IVNS1ABP: variants seen among roughly 807,000 people sequenced by gnomAD.
IVNS1ABP encodes the protein influenza virus NS1A binding protein.
In IVNS1ABP, 25 loss-of-function variants were observed where a neutral mutation model predicts 78.9. The observed-to-expected ratio is 0.32, with a 90% CI of 0.23 to 0.44. IVNS1ABP has a LOEUF of 0.44. Ranked by LOEUF, IVNS1ABP falls within the 20% of genes least tolerant of loss-of-function variation. The pLI, the probability that IVNS1ABP is intolerant of heterozygous loss-of-function variation, is 1.00. For missense variants in IVNS1ABP, 494 were observed against 768.9 expected, an observed-to-expected ratio of 0.64 and a Z score of 4.23; for synonymous variants, 241 against 259.7, an observed-to-expected ratio of 0.93 and a Z score of 0.69.
chr1:185,312,303 T>C (rs1665909525), intron 1 of IVNS1ABP, among the ~76,000 whole-genome samples: 1 of 152,232 alleles, frequency 6.6e-6, no homozygotes, highest in Non-Finnish European at 1.5e-5. Flanking sequence ...ATGGTACTTA[T>C]TTTGTAATCA....
At position 185,308,797 on chromosome 1, in the gene IVNS1ABP, T is replaced by A; in HGVS notation, c.357+3A>T. ...ATGATTTTATTTACTTCTGATACTC[T>A]ACCTGCTTTACTCGATCCATCTTCA... On this transcript the variant is annotated splice_donor_region_variant and intron_variant, in intron 5 of 14. Coordinates refer to ENST00000367498, the MANE Select transcript of IVNS1ABP (RefSeq NM_006469.5). 1 of 1,598,128 alleles carries A rather than the reference T, an allele frequency of 6.3e-7. No individual in the cohort carries two copies. The highest frequency in any genetic ancestry group is 8.5e-7 in the Non-Finnish European group (1 of 1,172,132).
At position 185,309,440 on chromosome 1, in the gene IVNS1ABP, A is replaced by G. The variant is rs1046762185; in HGVS notation, c.54T>C (p.Ser18=). 4 of 1,613,088 alleles carry G rather than the reference A, an allele frequency of 2.5e-6. No homozygotes were observed. In the African/African-American group the frequency reaches 5.3e-5, roughly 22 times the overall value. ...MFEDENFIES[S]VAKLNALRKS... ...TCCTCAGGGCATTTAATTTGGCAAC[A>G]GAAGACTCAATAAAATTTTCATCCT... Residue 18 remains serine, a synonymous_variant, in exon 3 of 15, where the codon TCT becomes TCC. Coordinates refer to ENST00000367498, the MANE Select transcript of IVNS1ABP (RefSeq NM_006469.5).
chr1:185,308,287 A>G (rs1665791877), intron 5 of IVNS1ABP, among the ~76,000 whole-genome samples: 1 of 152,210 alleles, frequency 6.6e-6, no homozygotes, highest in Admixed American at 6.5e-5. Context: ...AAAGCAGTGT[A>G]GACCATATGT....
intron 5 of IVNS1ABP, 33 bp downstream of exon 5, chr1:185,308,767 C>T (rs769966604): frequency 6.7e-7 from 1 of 1,482,168 alleles, no homozygotes; most frequent in African/African-American, 1.4e-5. Flanking sequence ...AATAAGACTC[C>T]ATAAATGATT....
rs1665605054 is a variant in IVNS1ABP at position 185,301,703 on chromosome 1, C to T, written c.766-140G>A. The T allele has an allele frequency of 7.1e-6, 6 of 850,216 alleles. No homozygotes were observed. The East Asian group carries it at 1.5e-4, about 22-fold the overall frequency. The allele number at this position is 850,216 out of a possible 1,614,324, so 52.7% of individuals were successfully genotyped here. A position where few individuals can be genotyped will look rare whatever the true frequency, so the allele number is the denominator to read the frequency against. ...GGACACTAACTTTAACTCAAGCCAA[C>T]ACTTTCCAAATGACACAAATTACTG... On this transcript the variant is annotated intron_variant, in intron 8 of 14. Coordinates refer to ENST00000367498, the MANE Select transcript of IVNS1ABP (RefSeq NM_006469.5).
rs753917661 is a variant in IVNS1ABP at position 185,309,487 on chromosome 1, G to A, written c.7C>T (p.Pro3Ser). 1.9e-6 allele frequency: 3 copies of A among 1,586,382 alleles called. No individual in the cohort carries two copies. Among genetic ancestry groups the A allele is most frequent in the Admixed American group, 1.7e-5 (1 of 58,002 alleles). The change falls in exon 3 of 15, where the codon CCC (proline) becomes TCC (serine). Residue 3 changes from proline (P) to serine (S), a missense_variant. By Grantham distance (74) the Pro-to-Ser change is moderately conservative. Coordinates refer to ENST00000367498, the MANE Select transcript of IVNS1ABP (RefSeq NM_006469.5). ...TCCTCAAACATCAAATATCCATTGG[G>A]AATCATTTTTCCTTATAAATTTGGC... is the stretch of plus-strand genomic sequence containing the variant. MI[P>S]NGYLMFEDEN...
At position 185,305,623 on chromosome 1, in the gene IVNS1ABP, T is replaced by G. The variant is rs757498481; in HGVS notation, c.678A>C (p.Ser226=). The change falls in exon 8 of 15, where the codon TCA becomes TCC. Residue 226 remains serine (S), a synonymous_variant. Coordinates refer to ENST00000367498, the MANE Select transcript of IVNS1ABP (RefSeq NM_006469.5). The surrounding 1 kb of genome is among the most constrained non-coding windows in gnomAD (Gnocchi z 4.0). ...TCCCATCAAGCAGCTTGTGATCAGC[T>G]GAGTAGTACAAGGTTTGAACCTGCA... ...LMEEVQTLYY[S]ADHKLLDGNL... 5.0e-6 allele frequency: 8 copies of G among 1,613,230 alleles called. No homozygotes were observed. The highest frequency in any genetic ancestry group is 5.9e-6 in the Non-Finnish European group (7 of 1,179,516).
chr1:185,300,329 C>T lies in IVNS1ABP; in HGVS notation c.1257G>A (p.Val419=). The part of the protein sequence containing the change: ...QMAVLMGQLY[V]VGGSNGHSDD... Reference sequence around the variant, plus strand: ...CTGAGTGGCCATTTGATCCACCTACCACATAGAGCTGGCCCTATGCCAAAA... The same window carrying T: ...CTGAGTGGCCATTTGATCCACCTACTACATAGAGCTGGCCCTATGCCAAAA... The change falls in exon 12 of 15, where the codon GTG becomes GTA. Residue 419 remains valine (V), a synonymous_variant. Transcript: ENST00000367498. The T allele has an allele frequency of 6.2e-7, 1 of 1,613,452 alleles. No individual in the cohort carries two copies. The highest frequency in any genetic ancestry group is 8.5e-7 in the Non-Finnish European group (1 of 1,179,744).
chr1:185,313,860 C>T (rs941290060), intron 1 of IVNS1ABP, among the ~76,000 whole-genome samples: 2 of 152,188 alleles, frequency 1.3e-5, no homozygotes, highest in African/African-American at 4.8e-5. Flanking sequence ...CAGCATACTT[C>T]TATGGCCACT....
chr1:185,307,007 A>G lies in IVNS1ABP; in HGVS notation c.657+7T>C. The G allele has an allele frequency of 6.2e-7, 1 of 1,612,964 alleles. No individual in the cohort carries two copies. Among genetic ancestry groups the G allele is most frequent in the Admixed American group, 1.7e-5 (1 of 59,960 alleles). On this transcript the variant is annotated splice_region_variant and intron_variant, in intron 7 of 14. Coordinates refer to ENST00000367498, the MANE Select transcript of IVNS1ABP (RefSeq NM_006469.5). Reference sequence around the variant, plus strand: ...AATGGTTGAATCCCATTTACTTTAAAACTAACCTCTTCCATCAGCTCTTCC... The same window carrying G: ...AATGGTTGAATCCCATTTACTTTAAGACTAACCTCTTCCATCAGCTCTTCC...
At chr1:185,308,759 T>C (rs1665808238) in intron 5 of IVNS1ABP, 41 bp downstream of exon 5, 1 of 1,423,864 alleles carries the variant, frequency 7.0e-7, no homozygotes, top group Non-Finnish European at 9.7e-7. Context: ...TCACACAAAA[T>C]AAGACTCCAT....
At chr1:185,310,275 T>C (rs907802796) in intron 2 of IVNS1ABP, among the ~76,000 whole-genome samples, 1 of 152,166 alleles carries the variant, frequency 6.6e-6, no homozygotes, top group African/African-American at 2.4e-5. Context: ...CCATTACTTA[T>C]AAACAACTGA....
At chr1:185,302,338 C>T (rs1665623028) in intron 8 of IVNS1ABP, among the ~76,000 whole-genome samples, 1 of 152,098 alleles carries the variant, frequency 6.6e-6, no homozygotes, top group South Asian at 2.1e-4. Context: ...TCCTTGATGG[C>T]TTCCTTCCAA....
chr1:185,302,587 T>G (rs1201968759), intron 8 of IVNS1ABP, among the ~76,000 whole-genome samples: 7 of 152,166 alleles, frequency 4.6e-5, no homozygotes. Context: ...AAAAAGATTT[T>G]GCTAGCTACT....
In IVNS1ABP at chr1:185,306,457, G is replaced by A. The variant is rs1169879769; in HGVS notation, c.657+557C>T. On this transcript the variant is annotated intron_variant, in intron 7 of 14. Transcript: ENST00000367498. ...CCATTGAAAAACACACAGCTTTAAA[G>A]ACAAGAATCCTGTAAAGGAGTAAAC... 3 of 1,288,028 alleles carry A rather than the reference G, an allele frequency of 2.3e-6. No individual in the cohort carries two copies. In the South Asian group the frequency reaches 3.7e-5, roughly 16 times the overall value. 79.8% of individuals were successfully genotyped at this position (1,288,028 alleles called of 1,614,324 possible).
intron 11 of IVNS1ABP, 31 bp from the exon 12 acceptor site, chr1:185,300,374 A>G (rs1428536965): frequency 6.2e-7 from 1 of 1,613,386 alleles, no homozygotes; most frequent in Non-Finnish European, 8.5e-7. Flanking sequence ...GAGAATTTCT[A>G]ACATCCTGAA....
At chr1:185,307,890 C>G (rs1013776977) in intron 5 of IVNS1ABP, 6 of 1,485,330 alleles carry the variant, frequency 4.0e-6, no homozygotes, top group Non-Finnish European at 5.4e-6. Context: ...AATTGAAATG[C>G]TATGTAAGTT....
chr1:185,305,751 C>A lies in IVNS1ABP; in HGVS notation c.658-108G>T. ...GGTAACCTCCAGTGTGCTTCTTGAG[C>A]TTCTTGACATATTACTCTGGCAGGA... On this transcript the variant is annotated intron_variant, in intron 7 of 14. Transcript: ENST00000367498. The surrounding 1 kb of genome is among the most constrained non-coding windows in gnomAD (Gnocchi z 4.0). 8.4e-7 allele frequency: 1 copy of A among 1,190,478 alleles called. No individual in the cohort carries two copies. Among genetic ancestry groups the A allele is most frequent in the Non-Finnish European group, 1.2e-6 (1 of 853,118 alleles). The allele number at this position is 1,190,478 out of a possible 1,614,324, so 73.7% of individuals were successfully genotyped here.
intron 5 of IVNS1ABP, among the ~76,000 whole-genome samples, chr1:185,308,188 T>G (rs1416759423): frequency 2.6e-5 from 4 of 152,218 alleles, no homozygotes; most frequent in Non-Finnish European, 2.9e-5. Flanking sequence ...CAAATCAAAC[T>G]TTTTCTTAAA....
Sources: allele counts gnomAD v4.1 joint callset (sites outside exome capture counted in the v4.1 genomes callset), GRCh38; gene constraint gnomAD v4.1.1; non-coding constraint Gnocchi (gnomAD v3.1); transcripts MANE v1.5; gene names NCBI Gene and HGNC (gene_info 2026-07-23, HGNC 2026-07-21).